The following VGLL4 variants were observed in gnomAD, a reference collection of about 807,000 sequenced individuals.
VGLL4 encodes the protein transcription cofactor vestigial-like protein 4.
A neutral mutation model predicts 21.0 loss-of-function variants in VGLL4; 7 were observed. The ratio of observed to expected loss-of-function variants is 0.33; its 90% CI spans 0.19 to 0.63. The LOEUF is 0.63. Among genes scored for constraint, VGLL4 ranks in the 20% least tolerant of loss-of-function variants. The probability of loss-of-function intolerance (pLI) is 0.78; values close to 1 mark genes in which losing one functional copy is unlikely to be tolerated. For synonymous variants in VGLL4, 222 were observed against 173.2 expected (o/e 1.28, Z -2.21); for missense variants, 394 against 425.7 (o/e 0.93, Z 0.66).
At chr3:11,569,401 G>C (rs187748251) in intron 2 of VGLL4, among the ~76,000 whole-genome samples, 3 of 152,336 alleles carry the variant, frequency 2.0e-5, no homozygotes, top group African/African-American at 7.2e-5. Context: ...CCCAGTGAAA[G>C]AGATGAGGCC....
chr3:11,574,157 C>T (rs1366511149), intron 2 of VGLL4, among the ~76,000 whole-genome samples: 2 of 152,202 alleles, frequency 1.3e-5, no homozygotes, highest in East Asian at 3.8e-4. Context: ...GCCACCCCAT[C>T]TGTGGCCCTG....
intron 2 of VGLL4, among the ~76,000 whole-genome samples, chr3:11,572,608 T>C (rs1037052904): frequency 3.3e-5 from 5 of 152,186 alleles, no homozygotes; most frequent in African/African-American, 1.2e-4. Context: ...ACTGTCGTCC[T>C]CTTGCCACAC....
rs1009705191 is a variant in VGLL4 at position 11,694,442 on chromosome 3, G to A, written c.64+8529C>T. Among the ~76,000 whole-genome samples, 8 of 152,230 alleles carry A rather than the reference G, an allele frequency of 5.3e-5. No homozygotes were observed. The South Asian group carries it at 1.7e-3, about 32-fold the overall frequency. On this transcript the variant is annotated intron_variant, in intron 2 of 5. Transcript: ENST00000273038. ...TCAAGACCACCCTGGCCAACATGGT[G>A]AAACCCTGTCTTTACTAAAAAATAC...
rs369077956 is a variant in VGLL4, at chr3:11,654,616, A to G, written c.64+48355T>C. On this transcript the variant is annotated intron_variant, in intron 2 of 5. Coordinates refer to the VGLL4 transcript ENST00000273038. The stretch of plus-strand genomic sequence containing the variant: ...AAAGATCATTTGCAATGTTAAGATT[A>G]TTAACCTGCACCTGTAAGTATCTTA... 5.9e-5 allele frequency among the ~76,000 whole-genome samples: 9 copies of G among 152,372 alleles called. No individual in the cohort carries two copies. In the East Asian group the frequency reaches 1.2e-3, roughly 20 times the overall value.
intron 1 of VGLL4, among the ~76,000 whole-genome samples, chr3:11,616,487 A>G (rs534753610): frequency 4.6e-5 from 7 of 152,196 alleles, no homozygotes; most frequent in Non-Finnish European, 1.0e-4. Context: ...TCCAGGGATA[A>G]GCCCTGTCCT....
intron 2 of VGLL4, among the ~76,000 whole-genome samples, chr3:11,575,674 G>C (rs2074017433): frequency 1.3e-5 from 2 of 152,358 alleles, no homozygotes; most frequent in South Asian, 2.1e-4. Flanking sequence ...TTTAGTTAGA[G>C]ACCTGTCGGA....
intron 2 of VGLL4, among the ~76,000 whole-genome samples, chr3:11,682,816 A>G (rs894900839): frequency 6.6e-5 from 10 of 152,156 alleles, no homozygotes; most frequent in Non-Finnish European, 1.0e-4. Flanking sequence ...CTGCATAAAA[A>G]GGAAGATTGA....
chr3:11,635,884 G>A (rs750148949), intron 1 of VGLL4, among the ~76,000 whole-genome samples: 3 of 152,088 alleles, frequency 2.0e-5, no homozygotes, highest in Non-Finnish European at 4.4e-5. Context: ...CTTAAACAGC[G>A]AACCAGATCA....
chr3:11,708,680 G>T (rs570218239), intron 1 of VGLL4, among the ~76,000 whole-genome samples: 1 of 152,296 alleles, frequency 6.6e-6, no homozygotes, highest in Admixed American at 6.5e-5. Context: ...AAAAAATTAT[G>T]CTGCATCTGA....
chr3:11,667,379 C>A (rs1345483381), intron 2 of VGLL4, among the ~76,000 whole-genome samples: 1 of 152,174 alleles, frequency 6.6e-6, no homozygotes, highest in Admixed American at 6.5e-5. Flanking sequence ...TCTGTTTAAC[C>A]TCTTTAGCAT....
At chr3:11,712,887 T>G (rs959527233) in intron 1 of VGLL4, among the ~76,000 whole-genome samples, 1 of 152,154 alleles carries the variant, frequency 6.6e-6, no homozygotes, top group African/African-American at 2.4e-5. Context: ...CATGGTATAT[T>G]TGAAATTCTT....
chr3:11,678,468 T>C (rs945611733), intron 2 of VGLL4, among the ~76,000 whole-genome samples: 9 of 152,250 alleles, frequency 5.9e-5, no homozygotes, highest in African/African-American at 1.7e-4. Flanking sequence ...TCTGACTTAA[T>C]GACCTTTCTG....
chr3:11,657,088 T>A (rs2075969414), intron 2 of VGLL4, among the ~76,000 whole-genome samples: 1 of 152,006 alleles, frequency 6.6e-6, no homozygotes, highest in South Asian at 2.1e-4. Context: ...GGATACAGAG[T>A]CAGAAAAATC....
At position 11,695,195 on chromosome 3, in the gene VGLL4, G is replaced by A. The variant is rs181743112; in HGVS notation, c.64+7776C>T. On this transcript the variant is annotated intron_variant, in intron 2 of 5. Transcript: ENST00000273038. Reference sequence around the variant, plus strand: ...CTCCCGAGTAGCTGGGATTACAGGCGCCTGCCACCACAGCTGGCTAATTTT... The same window carrying A: ...CTCCCGAGTAGCTGGGATTACAGGCACCTGCCACCACAGCTGGCTAATTTT... 6.6e-5 allele frequency among the ~76,000 whole-genome samples: 10 copies of A among 151,860 alleles called. No homozygotes were observed. In the South Asian group the frequency reaches 1.3e-3, roughly 19 times the overall value.
In VGLL4 at chr3:11,709,446, A is replaced by AC. The variant is rs1467265183; in HGVS notation, c.-13-6400_-13-6399insG. 2.9e-3 allele frequency among the ~76,000 whole-genome samples: 278 copies of AC among 97,080 alleles called. 4 individuals are homozygous for AC. The highest frequency in any genetic ancestry group is 0.017 in the East Asian group (73 of 4,338). 63.7% of individuals were successfully genotyped at this position (97,080 alleles called of 152,430 possible). Reference sequence around the variant, plus strand: ...TGCAAGACTCCGTCTAAAAAAAAAAAAAAAAAAAAAAAAACAGATACAAAG... The same window carrying AC: ...TGCAAGACTCCGTCTAAAAAAAAAAACAAAAAAAAAAAAAACAGATACAAAG... On this transcript the variant is annotated intron_variant, in intron 1 of 5. Coordinates refer to the VGLL4 transcript ENST00000273038.
intron 1 of VGLL4, among the ~76,000 whole-genome samples, chr3:11,632,472 G>T (rs2075503562): frequency 6.6e-6 from 1 of 152,150 alleles, no homozygotes; most frequent in Non-Finnish European, 1.5e-5. Context: ...CAGATACAAT[G>T]GAGTGAGGCA....
At chr3:11,718,810 G>A (rs2076952632) in intron 1 of VGLL4, among the ~76,000 whole-genome samples, 2 of 151,890 alleles carry the variant, frequency 1.3e-5, no homozygotes, top group African/African-American at 4.8e-5. Flanking sequence ...CAGGCTGCTG[G>A]TTCTTATTAA....
chr3:11,707,836 G>A (rs1485686848), intron 1 of VGLL4, among the ~76,000 whole-genome samples: 1 of 152,200 alleles, frequency 6.6e-6, no homozygotes, highest in East Asian at 1.9e-4. Flanking sequence ...TCCAGCCTGA[G>A]TGACAGGGTG....
intron 1 of VGLL4, among the ~76,000 whole-genome samples, chr3:11,717,217 G>A (rs78345752): frequency 0.012 from 1,829 of 148,988 alleles, 37 homozygotes; most frequent in African/African-American, 0.043. Flanking sequence ...TTTCAGTGAC[G>A]TTAAAATTTT....
Sources: gnomAD v4.1 joint callset for allele counts (sites outside exome capture counted in the v4.1 genomes callset) on GRCh38, gnomAD v4.1.1 for gene constraint, MANE v1.5 for transcripts, NCBI Gene and HGNC (gene_info 2026-07-23, HGNC 2026-07-21) for gene names.